Variants in G6PD observed in about 807,000 individuals in gnomAD.
G6PD encodes the protein glucose-6-phosphate dehydrogenase.
In G6PD, 2 loss-of-function variants were observed where a neutral mutation model predicts 38.2. The ratio of observed to expected loss-of-function variants is 0.05; its 90% confidence interval spans 0.02 to 0.16. The LOEUF (loss-of-function observed/expected upper bound fraction) is 0.16, where lower values mean the gene tolerates loss of function less well. G6PD is among the 10% of genes least tolerant of loss of function. The pLI, the probability that G6PD is intolerant of heterozygous loss-of-function variation, is 1.00. For missense variants in G6PD, 310 were observed against 471.6 expected, an observed-to-expected ratio of 0.66 and a Z score of 3.17; for synonymous variants, 188 against 196.0, an observed-to-expected ratio of 0.96 and a Z score of 0.34.
intron 2 of G6PD, 71 bp from the exon 3 acceptor site, chrX:154,536,249 C>A: frequency 9.7e-7 from 1 of 1,028,755 alleles, no homozygotes; most frequent in Non-Finnish European, 1.4e-6. Context: ...ATCCTCCACC[C>A]TTGGTGATCT....
chrX:154,542,024 G>C (rs2070521686), intron 2 of G6PD, among the ~76,000 whole-genome samples: 1 of 112,154 alleles, frequency 8.9e-6, no homozygotes, highest in African/African-American at 3.2e-5. Context: ...AGAGAACCTG[G>C]GGGCTGCTGA....
intron 4 of G6PD, 95 bp from the exon 5 acceptor site, chrX:154,535,480 T>C (rs2148331576): frequency 1.2e-6 from 1 of 842,001 alleles, no homozygotes; most frequent in Non-Finnish European, 1.7e-6. Context: ...GGGTCTTCCC[T>C]GGAGGTCCAG....
In G6PD at chrX:154,531,817, C is replaced by T; in HGVS notation, c.*183G>A. ...GGAGGGGCCAGGATGGTCTCGAGTG[C>T]TTGGCAGCTGAGGAATGTAGCTGGG... On this transcript the variant is annotated 3_prime_UTR_variant, in exon 13 of 13. Coordinates refer to ENST00000393562, the MANE Select transcript of G6PD (RefSeq NM_001360016.2). 1.3e-6 allele frequency: 1 copy of T among 767,207 alleles called. No homozygotes were observed. 63.2% of individuals were successfully genotyped at this position (767,207 alleles called of 1,213,427 possible).
intron 10 of G6PD, 46 bp downstream of exon 10, chrX:154,532,521 G>C: frequency 1.7e-6 from 2 of 1,205,910 alleles, no homozygotes; most frequent in Non-Finnish European, 2.2e-6. Context: ...GAGTCCCCCG[G>C]GCCCAGGCCG....
intron 2 of G6PD, among the ~76,000 whole-genome samples, chrX:154,542,922 G>A (rs1186112165): frequency 8.9e-6 from 1 of 112,261 alleles, no homozygotes; most frequent in Non-Finnish European, 1.9e-5. Context: ...GAGGAGGGCA[G>A]GGACTGGCTG....
At position 154,535,344 on chromosome X, in the gene G6PD, G is replaced by A. The variant is rs781967989; in HGVS notation, c.309C>T (p.Ala103=). Residue 103 remains alanine, a synonymous_variant, in exon 5 of 13, where the codon GCC becomes GCT. Coordinates refer to ENST00000393562, the MANE Select transcript of G6PD (RefSeq NM_001360016.2). The stretch of plus-strand genomic sequence containing the variant: ...ACTGGCCAGCCACATAGGAGTTGCG[G>A]GCAAAGAAGTCCTCCAGCTTGAGCT... ...EEKLKLEDFF[A]RNSYVAGQYD... 1 of 1,210,540 alleles carries A rather than the reference G, an allele frequency of 8.3e-7. No homozygotes were observed.
chrX:154,534,000 G>T, intron 7 of G6PD, 35 bp downstream of exon 7: 5 of 1,211,345 alleles, frequency 4.1e-6, no homozygotes, highest in Non-Finnish European at 5.6e-6. Context: ...CTGCCACCCT[G>T]TGCCAGCCTC....
intron 2 of G6PD, chrX:154,542,302 A>G: frequency 8.5e-7 from 1 of 1,174,582 alleles, no homozygotes; most frequent in Non-Finnish European, 1.1e-6. Context: ...TAAGGCCCAG[A>G]GAAGTGAGGA....
chrX:154,536,327 C>A, intron 2 of G6PD, 149 bp from the exon 3 acceptor site: 1 of 532,660 alleles, frequency 1.9e-6, no homozygotes, highest in Non-Finnish European at 3.2e-6. Context: ...GACAGAAGAG[C>A]CCCGAGATTC....
intron 2 of G6PD, chrX:154,541,280 C>A (rs1557231833): frequency 8.9e-6 from 1 of 112,038 alleles, no homozygotes; most frequent in African/African-American, 3.2e-5. Context: ...TTTGTTCCTG[C>A]TGCTCCCTTT....
intron 2 of G6PD, 130 bp downstream of exon 2, chrX:154,545,906 C>T: frequency 2.5e-6 from 2 of 809,305 alleles, no homozygotes; most frequent in Non-Finnish European, 3.7e-6. Flanking sequence ...GATCCTGGCG[C>T]ACTAGCAGGA....
intron 2 of G6PD, chrX:154,541,313 G>A (rs1399654972): frequency 1.8e-5 from 2 of 111,541 alleles, no homozygotes; most frequent in East Asian, 5.6e-4. Context: ...AGATTGAACC[G>A]GCTCACCTTG....
chrX:154,534,969 C>T, intron 5 of G6PD, 199 bp downstream of exon 5: 1 of 473,859 alleles, frequency 2.1e-6, no homozygotes, highest in Non-Finnish European at 3.7e-6. Flanking sequence ...CACCCTGCGG[C>T]CTGGCCGGGC....
intron 2 of G6PD, 150 bp from the exon 3 acceptor site, chrX:154,536,328 C>A (rs2070408488): frequency 3.8e-6 from 2 of 530,058 alleles, no homozygotes; most frequent in Non-Finnish European, 6.3e-6. Context: ...ACAGAAGAGC[C>A]CCGAGATTCA....
chrX:154,539,128 A>G (rs1184344399), intron 2 of G6PD, among the ~76,000 whole-genome samples: 1 of 111,604 alleles, frequency 9.0e-6, no homozygotes, highest in African/African-American at 3.3e-5. Flanking sequence ...CCTCTGATCA[A>G]GTGAAACACA....
chrX:154,546,339 C>T (rs2070714724), intron 1 of G6PD, 176 bp from the exon 2 acceptor site: 1 of 579,759 alleles, frequency 1.7e-6, no homozygotes, highest in African/African-American at 2.2e-5. Context: ...ACTGCTGGCT[C>T]TGGGCTCCAG....
chrX:154,537,022 T>C (rs186043664), intron 2 of G6PD, among the ~76,000 whole-genome samples: 1 of 111,805 alleles, frequency 8.9e-6, no homozygotes, highest in Non-Finnish European at 1.9e-5. Context: ...TAAAAGGGCA[T>C]AGGCCGGGCA....
At chrX:154,541,906 T>TGGGCC (rs1337927160) in intron 2 of G6PD, among the ~76,000 whole-genome samples, 1 of 111,424 alleles carries the variant, frequency 9.0e-6, no homozygotes, top group Non-Finnish European at 1.9e-5. Context: ...CCAGCGGGGG[T>TGGGCC]GGGCCATCCC....
chrX:154,540,337 T>G (rs1393306711), intron 2 of G6PD, among the ~76,000 whole-genome samples: 1 of 109,670 alleles, frequency 9.1e-6, no homozygotes, highest in Non-Finnish European at 1.9e-5. Context: ...GATGTGGTGG[T>G]GCGCGCCTGT....
Sources: gnomAD v4.1 joint callset for allele counts (sites outside exome capture counted in the v4.1 genomes callset) on GRCh38, gnomAD v4.1.1 for gene constraint, MANE v1.5 for transcripts, NCBI Gene and HGNC (gene_info 2026-07-23, HGNC 2026-07-21) for gene names.